The following THSD4 variants were observed in gnomAD, a reference collection of about 807,000 sequenced individuals.
THSD4 encodes the protein thrombospondin type 1 domain containing 4, also known as thrombospondin type-1 domain-containing protein 4.
In THSD4, 69 loss-of-function variants were observed where a neutral mutation model predicts 119.0. The observed-to-expected ratio is 0.58, with a 90% CI of 0.48 to 0.71. The LOEUF is 0.71. THSD4 is among the 30% of genes least tolerant of loss of function. The pLI, the probability that THSD4 is intolerant of heterozygous loss-of-function variation, is 0.00. For missense variants in THSD4, 1,393 were observed against 1,391.1 expected, an observed-to-expected ratio of 1.00 and a Z score of -0.02; for synonymous variants, 524 against 540.4, an observed-to-expected ratio of 0.97 and a Z score of 0.42.
intron 6 of THSD4, among the ~76,000 whole-genome samples, chr15:71,388,787 T>A (rs552236153): frequency 2.5e-3 from 378 of 151,954 alleles, no homozygotes; most frequent in Non-Finnish European, 4.2e-3. Flanking sequence ...TATATATATA[T>A]AAAAAACATA....
At chr15:71,586,591 T>C (rs1427764616) in intron 7 of THSD4, among the ~76,000 whole-genome samples, 1 of 152,178 alleles carries the variant, frequency 6.6e-6, no homozygotes, top group Non-Finnish European at 1.5e-5. Flanking sequence ...GCATGCTAAA[T>C]CCTTCTCATA....
chr15:71,468,778 C>T (rs142527369), intron 7 of THSD4, among the ~76,000 whole-genome samples: 76 of 152,288 alleles, frequency 5.0e-4, no homozygotes, highest in African/African-American at 1.7e-3. Context: ...AAGATTATCT[C>T]ATCATCTAAA....
chr15:71,435,373 C>G (rs944324086), intron 7 of THSD4, among the ~76,000 whole-genome samples: 1 of 152,076 alleles, frequency 6.6e-6, no homozygotes, highest in African/African-American at 2.4e-5. Flanking sequence ...TGATTTCTGC[C>G]TTTTAAAAAT....
intron 7 of THSD4, among the ~76,000 whole-genome samples, chr15:71,474,322 C>T (rs4393526): frequency 0.15 from 23,444 of 151,934 alleles, 2,302 homozygotes; most frequent in East Asian, 0.3. Context: ...TGGGTTCAAG[C>T]GATTCCCCTG....
chr15:71,739,483 C>T (rs74022413), intron 11 of THSD4, among the ~76,000 whole-genome samples: 2,593 of 152,192 alleles, frequency 0.017, 65 homozygotes, highest in African/African-American at 0.058. Flanking sequence ...GGTCCCGTTT[C>T]CTTGAAAACT....
chr15:71,775,621 G>A (rs1247629645), intron 17 of THSD4, among the ~76,000 whole-genome samples: 1 of 152,214 alleles, frequency 6.6e-6, no homozygotes, highest in Non-Finnish European at 1.5e-5. Context: ...TGAGGCAGGA[G>A]AAAGGCTTGG....
chr15:71,147,397 A>C (rs2040673498), intron 2 of THSD4, among the ~76,000 whole-genome samples: 1 of 152,002 alleles, frequency 6.6e-6, no homozygotes, highest in Admixed American at 6.6e-5. Flanking sequence ...TTTTGTAGAG[A>C]TGTGATCTCA....
intron 7 of THSD4, among the ~76,000 whole-genome samples, chr15:71,540,177 G>A (rs1230351418): frequency 3.6e-4 from 48 of 131,988 alleles, no homozygotes; most frequent in Middle Eastern, 4.5e-3. Flanking sequence ...TAGCTCTGTC[G>A]CCCAGGTTGG....
chr15:71,757,997 C>G lies in THSD4; in HGVS notation c.2511C>G (p.Asn837Lys), dbSNP rs766592352. The stretch of plus-strand genomic sequence containing the variant: ...TGCCCCTGGAGGGCTGTGGGAACAA[C>G]CGGCCGGCAGAGGCCACCCCATGTG... ...SSLPLEGCGN[N>K]RPAEATPCDN... Residue 837 changes from asparagine (N) to lysine (K), a missense_variant, in exon 15 of 18, where the codon AAC (asparagine) becomes AAG (lysine). Physicochemically the swap from Asn to Lys is moderately conservative, Grantham distance 94. Transcript: ENST00000261862. 2.5e-6 allele frequency: 4 copies of G among 1,613,994 alleles called. No individual in the cohort carries two copies. Among genetic ancestry groups the G allele is most frequent in the South Asian group, 1.1e-5 (1 of 91,018 alleles).
intron 4 of THSD4, among the ~76,000 whole-genome samples, chr15:71,228,991 G>A (rs913639597): frequency 2.4e-4 from 36 of 152,120 alleles, no homozygotes; most frequent in African/African-American, 8.2e-4. Flanking sequence ...TCAATTTGGG[G>A]GGAAACAATA....
intron 9 of THSD4, 49 bp from the exon 10 acceptor site, chr15:71,731,072 G>A (rs777458481): frequency 1.9e-6 from 3 of 1,574,102 alleles, no homozygotes; most frequent in Non-Finnish European, 2.6e-6. Context: ...AACCCAGAAG[G>A]GGTGTGCATA....
At chr15:71,662,575 C>G (rs529263100) in intron 8 of THSD4, among the ~76,000 whole-genome samples, 23 of 152,256 alleles carry the variant, frequency 1.5e-4, no homozygotes, top group Admixed American at 1.0e-3. Context: ...TTTTTATTAG[C>G]TTTGTGTTGC....
At chr15:71,545,769 A>G (rs573335756) in intron 7 of THSD4, among the ~76,000 whole-genome samples, 7 of 152,240 alleles carry the variant, frequency 4.6e-5, no homozygotes, top group Admixed American at 1.3e-4. Flanking sequence ...TATCCTCACT[A>G]TACCTTTTTT....
chr15:71,511,822 C>T (rs192261453), intron 7 of THSD4, among the ~76,000 whole-genome samples: 37 of 152,318 alleles, frequency 2.4e-4, no homozygotes, highest in Admixed American at 6.5e-4. Context: ...CCTCTCAGGG[C>T]TTAGCTTTAG....
chr15:71,648,831 A>C (rs1595826127), intron 7 of THSD4, among the ~76,000 whole-genome samples: 2 of 152,200 alleles, frequency 1.3e-5, no homozygotes, highest in Non-Finnish European at 2.9e-5. Flanking sequence ...ACAACATTTT[A>C]CCAGCCCCTA....
chr15:71,728,080 A>G (rs527472422), intron 8 of THSD4, among the ~76,000 whole-genome samples: 2 of 152,202 alleles, frequency 1.3e-5, no homozygotes, highest in Non-Finnish European at 2.9e-5. Flanking sequence ...TATGTGAAAT[A>G]TTTCAATTCT....
chr15:71,117,444 G>A (rs1236243365), intron 1 of THSD4, among the ~76,000 whole-genome samples: 1 of 151,928 alleles, frequency 6.6e-6, no homozygotes, highest in Non-Finnish European at 1.5e-5. Flanking sequence ...TCTCTCCATG[G>A]TACCACTTTT....
chr15:71,492,475 G>A (rs1218861476), intron 7 of THSD4, among the ~76,000 whole-genome samples: 2 of 151,942 alleles, frequency 1.3e-5, no homozygotes, highest in Non-Finnish European at 2.9e-5. Context: ...AATAGAGGGG[G>A]GGAGTTTCAC....
At chr15:71,536,780 A>T (rs1304803346) in intron 7 of THSD4, among the ~76,000 whole-genome samples, 1 of 152,060 alleles carries the variant, frequency 6.6e-6, no homozygotes, top group Non-Finnish European at 1.5e-5. Context: ...AGAATCTTTG[A>T]TGTGTTTTGA....
Sources: gnomAD v4.1 joint callset for allele counts (sites outside exome capture counted in the v4.1 genomes callset) on GRCh38, gnomAD v4.1.1 for gene constraint, MANE v1.5 for transcripts, NCBI Gene and HGNC (gene_info 2026-07-23, HGNC 2026-07-21) for gene names.